The following RUNX1 variants were observed in gnomAD, a reference collection of about 807,000 sequenced individuals.
RUNX1 encodes RUNX family transcription factor 1.
In RUNX1, 19 loss-of-function variants were observed where a neutral mutation model predicts 42.8. The ratio of observed to expected loss-of-function variants is 0.44; its 90% CI spans 0.31 to 0.65. RUNX1 has a LOEUF of 0.65. Among genes scored for constraint, RUNX1 ranks in the 30% least tolerant of loss-of-function variants. RUNX1 has a pLI of 0.07. For missense variants in RUNX1, 528 were observed against 672.0 expected (o/e 0.79, Z 2.37); for synonymous variants, 271 against 289.4 (o/e 0.94, Z 0.64).
In RUNX1 at chr21:34,844,011, G is replaced by A. The variant is rs568693628; in HGVS notation, c.614-9410C>T. On this transcript the variant is annotated intron_variant, in intron 6 of 8. Transcript: ENST00000675419. ...GGTGCAGACAGCTCCCAAATTCAAGGTTTTTCTTCTTCTACCAGCCTATAA... is the reference window on the plus strand; with the variant it reads ...GGTGCAGACAGCTCCCAAATTCAAGATTTTTCTTCTTCTACCAGCCTATAA... Among the ~76,000 whole-genome samples, 192 of 152,246 alleles carry A rather than the reference G, an allele frequency of 1.3e-3. 1 individual carries two copies. The highest frequency in any genetic ancestry group is 2.1e-3 in the Non-Finnish European group (143 of 68,014).
At chr21:34,860,302 A>C (rs1215836523) in intron 5 of RUNX1, among the ~76,000 whole-genome samples, 1 of 152,264 alleles carries the variant, frequency 6.6e-6, no homozygotes, top group African/African-American at 2.4e-5. Flanking sequence ...TAGATTTACT[A>C]ATCTAAAAAC....
intron 2 of RUNX1, among the ~76,000 whole-genome samples, chr21:35,036,590 A>C (rs995523246): frequency 4.0e-5 from 6 of 151,798 alleles, no homozygotes; most frequent in Non-Finnish European, 5.9e-5. Context: ...GGGGAAAAAA[A>C]CCCCAACTTC....
chr21:35,036,892 G>C (rs2059312452), intron 2 of RUNX1, among the ~76,000 whole-genome samples: 1 of 152,126 alleles, frequency 6.6e-6, no homozygotes, highest in African/African-American at 2.4e-5. Flanking sequence ...CCCTGGCTAG[G>C]GTCAGTCAGG....
At position 34,787,995 on chromosome 21, in the gene RUNX1, G is replaced by A. The variant is rs141693054; in HGVS notation, c.*4140C>T. On this transcript the variant is annotated 3_prime_UTR_variant, in exon 9 of 9. Transcript: ENST00000675419. The stretch of plus-strand genomic sequence containing the variant: ...GAGGCGGCCCACCCGACTGTGTACC[G>A]TGGACTGTGGACAGTGCAGTGCCTG... 3.9e-3 allele frequency: 916 copies of A among 233,288 alleles called. 4 individuals are homozygous for A. The highest frequency in any genetic ancestry group is 0.014 in the Middle Eastern group (11 of 786). 14.5% of individuals were successfully genotyped at this position (233,288 alleles called of 1,614,324 possible).
At position 35,031,635 on chromosome 21, in the gene RUNX1, G is replaced by T. The variant is rs189358805; in HGVS notation, c.58+17207C>A. ...TCAGCCTAAGTGTCCATCGACAGAT[G>T]AATGAATAAAGAAACTGTGATGAAT... On this transcript the variant is annotated intron_variant, in intron 2 of 8. Coordinates refer to ENST00000675419, the MANE Select transcript of RUNX1 (RefSeq NM_001754.5). Among the ~76,000 whole-genome samples the T allele has an allele frequency of 1.6e-3, 249 of 152,250 alleles. 3 individuals are homozygous for T. The highest frequency in any genetic ancestry group is 5.8e-3 in the African/African-American group (243 of 41,552).
At chr21:34,797,486 A>T (rs1457443391) in intron 8 of RUNX1, among the ~76,000 whole-genome samples, 1 of 152,252 alleles carries the variant, frequency 6.6e-6, no homozygotes, top group African/African-American at 2.4e-5. Flanking sequence ...CCAAGTCAAA[A>T]GACTTATGTA....
chr21:34,912,302 T>C (rs528951335), intron 2 of RUNX1, among the ~76,000 whole-genome samples: 1 of 151,364 alleles, frequency 6.6e-6, no homozygotes, highest in African/African-American at 2.4e-5. Flanking sequence ...CTTACTCTTC[T>C]ATCACTGGGT....
At chr21:34,795,677 G>GGC (rs544712864) in intron 8 of RUNX1, among the ~76,000 whole-genome samples, 21 of 152,308 alleles carry the variant, frequency 1.4e-4, no homozygotes, top group Admixed American at 6.5e-4. Context: ...TCTCGAGCCA[G>GGC]GCCACACCTC....
chr21:34,848,538 G>T (rs185648174), intron 6 of RUNX1, among the ~76,000 whole-genome samples: 35 of 152,196 alleles, frequency 2.3e-4, no homozygotes, highest in African/African-American at 8.0e-4. Flanking sequence ...GAGTTCAAGT[G>T]ATTCTCCTGC....
intron 2 of RUNX1, among the ~76,000 whole-genome samples, chr21:34,924,043 G>A (rs139714734): frequency 3.9e-5 from 6 of 152,142 alleles, no homozygotes; most frequent in East Asian, 1.9e-4. Flanking sequence ...GTTTTCATAC[G>A]TGACAGGGCA....
intron 6 of RUNX1, among the ~76,000 whole-genome samples, chr21:34,838,916 TATATA>T (rs1363553023): frequency 6.6e-6 from 1 of 151,392 alleles, no homozygotes; most frequent in Non-Finnish European, 1.5e-5. Flanking sequence ...TTATATATAC[TATATA>T]ATATAAACTA....
intron 7 of RUNX1, among the ~76,000 whole-genome samples, chr21:34,813,874 C>T (rs891075724): frequency 1.3e-5 from 2 of 151,736 alleles, no homozygotes; most frequent in African/African-American, 2.4e-5. Flanking sequence ...AGCTGCAGTG[C>T]GGAATGGTGA....
intron 2 of RUNX1, among the ~76,000 whole-genome samples, chr21:34,968,871 T>C (rs115531476): frequency 0.015 from 2,323 of 152,256 alleles, 55 homozygotes; most frequent in African/African-American, 0.053. Flanking sequence ...GCCAAATTCA[T>C]GTATTTTAGG....
intron 6 of RUNX1, among the ~76,000 whole-genome samples, chr21:34,857,279 T>C (rs2057507780): frequency 6.6e-6 from 1 of 152,204 alleles, no homozygotes; most frequent in Non-Finnish European, 1.5e-5. Flanking sequence ...ACAACTGTTT[T>C]CTTAAGTTGT....
At chr21:35,040,791 A>T (rs963691940) in intron 2 of RUNX1, among the ~76,000 whole-genome samples, 1 of 151,186 alleles carries the variant, frequency 6.6e-6, no homozygotes, top group Admixed American at 6.6e-5. Context: ...AAAAAAAAAA[A>T]AAACCAACAA....
At chr21:34,934,256 CAA>C (rs2058469238) in intron 2 of RUNX1, among the ~76,000 whole-genome samples, 1 of 152,030 alleles carries the variant, frequency 6.6e-6, no homozygotes, top group African/African-American at 2.4e-5. Flanking sequence ...GCTTTTGAGT[CAA>C]GTTTTTTTTT....
At chr21:34,973,273 G>A (rs2058775815) in intron 2 of RUNX1, among the ~76,000 whole-genome samples, 1 of 152,204 alleles carries the variant, frequency 6.6e-6, no homozygotes. Context: ...AGTGGTTGGT[G>A]TATTTGATTG....
At chr21:35,025,146 T>C (rs924225065) in intron 2 of RUNX1, among the ~76,000 whole-genome samples, 2 of 152,242 alleles carry the variant, frequency 1.3e-5, no homozygotes, top group Admixed American at 6.5e-5. Flanking sequence ...ATAACAGATG[T>C]GTAAATTCTG....
At position 34,788,188 on chromosome 21, in the gene RUNX1, A is replaced by C. The variant is rs2056392007; in HGVS notation, c.*3947T>G. The C allele has an allele frequency of 4.3e-6, 1 of 233,440 alleles. No homozygotes were observed. Among genetic ancestry groups the C allele is most frequent in the Admixed American group, 5.6e-5 (1 of 17,784 alleles). 14.5% of individuals were successfully genotyped at this position (233,440 alleles called of 1,614,324 possible). On this transcript the variant is annotated 3_prime_UTR_variant, in exon 9 of 9. Coordinates refer to ENST00000675419, the MANE Select transcript of RUNX1 (RefSeq NM_001754.5). ...GAATTTTCAGGATGTTTTGTGACCA[A>C]ACCCAATAACTGCCACACAAATAGA...
Sources: allele counts gnomAD v4.1 joint callset (sites outside exome capture counted in the v4.1 genomes callset), GRCh38; gene constraint gnomAD v4.1.1; transcripts MANE v1.5; gene names NCBI Gene and HGNC (gene_info 2026-07-23, HGNC 2026-07-21).